Variants in AIG1 observed in about 807,000 individuals in gnomAD.
AIG1 encodes the protein androgen-induced gene 1 protein.
A neutral mutation model predicts 31.4 loss-of-function variants in AIG1; 23 were observed. That is an observed-to-expected ratio of 0.73 (90% CI 0.53 to 1.04). AIG1 has a LOEUF of 1.04. Among genes scored for constraint, AIG1 ranks in the 50% least tolerant of loss-of-function variants. AIG1 has a pLI of 0.00. For synonymous variants in AIG1, 100 were observed against 110.5 expected (o/e 0.90, Z 0.60); for missense variants, 274 against 295.0 (o/e 0.93, Z 0.52).
chr6:143,122,869 C>T (rs966902053), intron 1 of AIG1, among the ~76,000 whole-genome samples: 7 of 152,030 alleles, frequency 4.6e-5, no homozygotes, highest in South Asian at 2.1e-4. Flanking sequence ...CCCAAGCACC[C>T]TTGTTTTCTC....
downstream of AIG1, chr6:143,342,580 G>A: frequency 1.0e-6 from 1 of 991,122 alleles, no homozygotes; most frequent in Non-Finnish European, 1.6e-6. Flanking sequence ...TACAGGCTGT[G>A]CATTTGGATC....
chr6:143,084,145 A>G (rs1778544083), intron 1 of AIG1, among the ~76,000 whole-genome samples: 1 of 152,078 alleles, frequency 6.6e-6, no homozygotes, highest in African/African-American at 2.4e-5. Flanking sequence ...CTGGCCCTCA[A>G]TGGTCAAGCA....
intron 3 of AIG1, among the ~76,000 whole-genome samples, chr6:143,277,085 T>G (rs1387475067): frequency 6.6e-6 from 1 of 152,218 alleles, no homozygotes; most frequent in African/African-American, 2.4e-5. Context: ...TTTCTCAGTT[T>G]TTCTCATGTC....
At chr6:143,236,837 C>A (rs1181511515) in intron 3 of AIG1, among the ~76,000 whole-genome samples, 4 of 152,120 alleles carry the variant, frequency 2.6e-5, no homozygotes, top group Non-Finnish European at 5.9e-5. Flanking sequence ...TCCATACTTC[C>A]TTAAGAAATT....
chr6:143,165,184 G>A lies in AIG1; in HGVS notation c.399+1G>A, dbSNP rs777505657. The A allele has an allele frequency of 6.2e-7, 1 of 1,605,930 alleles. No homozygotes were observed. The highest frequency in any genetic ancestry group is 1.3e-5 in the African/African-American group (1 of 74,688). On this transcript the variant is annotated splice_donor_variant, in intron 3 of 5. Transcript: ENST00000357847. LOFTEE classifies it high-confidence loss of function. ...CCCAGGGTGGCTGAATCACGGAATG[G>A]TGAGTGGATTAAAACAAACGGCTTT...
chr6:143,100,176 G>A, intron 1 of AIG1, among the ~76,000 whole-genome samples: 1 of 152,148 alleles, frequency 6.6e-6, no homozygotes, highest in Non-Finnish European at 1.5e-5. Flanking sequence ...GCTTGTGCTG[G>A]TACTTTCTAT....
At chr6:143,129,606 G>A (rs1783036974) in intron 1 of AIG1, among the ~76,000 whole-genome samples, 1 of 152,146 alleles carries the variant, frequency 6.6e-6, no homozygotes, top group Non-Finnish European at 1.5e-5. Flanking sequence ...ATTACATTTA[G>A]ATTTGCAGAA....
rs140497681 is a variant in AIG1, at chr6:143,203,562, G to A, written c.399+38379G>A. 2.3e-3 allele frequency among the ~76,000 whole-genome samples: 343 copies of A among 152,238 alleles called. 1 individual carries two copies. Among genetic ancestry groups the A allele is most frequent in the African/African-American group, 8.0e-3 (331 of 41,528 alleles). ...CAGTGCCTAATCTATGTCTTACCTA[G>A]ACTGTGCCCTCTAAACTGGGGAGAT... On this transcript the variant is annotated intron_variant, in intron 3 of 5. Transcript: ENST00000357847.
At chr6:143,146,676 T>G (rs1189224992) in intron 2 of AIG1, among the ~76,000 whole-genome samples, 3 of 152,218 alleles carry the variant, frequency 2.0e-5, no homozygotes, top group Non-Finnish European at 2.9e-5. Context: ...CTGTGGGTTT[T>G]TTGAGGTAAC....
At chr6:143,336,580 G>A (rs1259645829) in intron 5 of AIG1, among the ~76,000 whole-genome samples, 1 of 152,116 alleles carries the variant, frequency 6.6e-6, no homozygotes, top group Non-Finnish European at 1.5e-5. Flanking sequence ...ACATCCTGGG[G>A]GTTAGGATTT....
At chr6:143,156,003 C>T (rs975422590) in intron 2 of AIG1, among the ~76,000 whole-genome samples, 1 of 152,124 alleles carries the variant, frequency 6.6e-6, no homozygotes, top group African/African-American at 2.4e-5. Flanking sequence ...AGGATAGGGA[C>T]ATTAGAGCCT....
rs1776522274 is a variant in AIG1, at chr6:143,325,333, G to A, written c.516-7949G>A. 6.6e-6 allele frequency among the ~76,000 whole-genome samples: 1 copy of A among 151,636 alleles called. No individual in the cohort carries two copies. Among genetic ancestry groups the A allele is most frequent in the South Asian group, 2.1e-4 (1 of 4,808 alleles). ...TCCTTCAGACCCTGTACTCTTCCTG[G>A]GTCTCAGTCTGTCCTGATAGTTTCA... On this transcript the variant is annotated intron_variant, in intron 4 of 5. Transcript: ENST00000357847. The surrounding 1 kb of genome is among the most constrained non-coding windows in gnomAD (Gnocchi z 4.3).
At chr6:143,077,119 T>C (rs1777806832) in intron 1 of AIG1, among the ~76,000 whole-genome samples, 1 of 152,196 alleles carries the variant, frequency 6.6e-6, no homozygotes, top group Admixed American at 6.5e-5. Flanking sequence ...TCAAGTGAAA[T>C]ATATAAACCT....
At chr6:143,169,560 A>G (rs1256477471) in intron 3 of AIG1, among the ~76,000 whole-genome samples, 7 of 152,110 alleles carry the variant, frequency 4.6e-5, no homozygotes, top group Non-Finnish European at 8.8e-5. Context: ...CTATCTAGCT[A>G]TAATTGTGTC....
At chr6:143,215,213 T>G (rs1583529735) in intron 3 of AIG1, among the ~76,000 whole-genome samples, 1 of 152,308 alleles carries the variant, frequency 6.6e-6, no homozygotes, top group East Asian at 1.9e-4. Flanking sequence ...GTATTTATGA[T>G]GTCAGAATGC....
At chr6:143,106,302 G>A (rs10434867) in intron 1 of AIG1, among the ~76,000 whole-genome samples, 18,336 of 152,072 alleles carry the variant, frequency 0.12, 3,243 homozygotes, top group African/African-American at 0.39. Context: ...TATGGAACAG[G>A]TTCTCCCTCA....
At chr6:143,145,623 G>A (rs1784639707) in intron 2 of AIG1, among the ~76,000 whole-genome samples, 1 of 152,184 alleles carries the variant, frequency 6.6e-6, no homozygotes, top group South Asian at 2.1e-4. Flanking sequence ...GGGAGCCTGG[G>A]AAGGCAAGAA....
At chr6:143,304,359 G>T (rs1283169770) in intron 4 of AIG1, among the ~76,000 whole-genome samples, 21 of 150,820 alleles carry the variant, frequency 1.4e-4, no homozygotes, top group African/African-American at 4.9e-4. Flanking sequence ...ATTGGCTGTG[G>T]GTTTGTCATA....
At chr6:143,343,291 A>C (rs1295823923), downstream of AIG1, 1 of 627,902 alleles carries the variant, frequency 1.6e-6, no homozygotes, top group Non-Finnish European at 3.1e-6. Flanking sequence ...ACTTACCCTC[A>C]TGAACTGATT....
Sources: allele counts gnomAD v4.1 joint callset (sites outside exome capture counted in the v4.1 genomes callset), GRCh38; gene constraint gnomAD v4.1.1; non-coding constraint Gnocchi (gnomAD v3.1); transcripts MANE v1.5; gene names NCBI Gene and HGNC (gene_info 2026-07-23, HGNC 2026-07-21).